Variants in CSMD2 observed in about 807,000 individuals in gnomAD.
The protein encoded by CSMD2 is CUB and Sushi multiple domains 2, also known as CUB and sushi domain-containing protein 2.
Under a neutral mutation model 398.5 loss-of-function variants are expected in CSMD2, and 130 were observed. The observed-to-expected ratio is 0.33, with a 90% CI of 0.28 to 0.38. The LOEUF (loss-of-function observed/expected upper bound fraction) is 0.38. CSMD2 is among the 10% of genes least tolerant of loss of function. The pLI is 1.00. For missense variants in CSMD2, 3,829 were observed against 4,764.9 expected (o/e 0.80, Z 5.78); for synonymous variants, 1,828 against 1,908.5 (o/e 0.96, Z 1.10).
At chr1:33,661,033 GATGAATAGGA>G (rs1644112779) in intron 26 of CSMD2, among the ~76,000 whole-genome samples, 1 of 152,178 alleles carries the variant, frequency 6.6e-6, no homozygotes, top group African/African-American at 2.4e-5. Context: ...AACCTTGAAG[GATGAATAGGA>G]CTTCCATGAG....
At chr1:34,096,898 T>C (rs1659377309) in intron 1 of CSMD2, among the ~76,000 whole-genome samples, 2 of 147,416 alleles carry the variant, frequency 1.4e-5, no homozygotes, top group South Asian at 2.2e-4. Context: ...CTTCACAGAA[T>C]TGGAAAAAAC....
intron 3 of CSMD2, among the ~76,000 whole-genome samples, chr1:33,986,838 G>A (rs1419389715): frequency 1.3e-5 from 2 of 152,162 alleles, no homozygotes; most frequent in Non-Finnish European, 2.9e-5. Context: ...TTCCTCCTCT[G>A]TTCTGGGACC....
chr1:34,027,246 A>G (rs1278997031), intron 3 of CSMD2, among the ~76,000 whole-genome samples: 2 of 152,212 alleles, frequency 1.3e-5, no homozygotes, highest in African/African-American at 4.8e-5. Flanking sequence ...TTATACAATT[A>G]TCAGTACATG....
At chr1:34,153,058 C>T (rs1640475832) in intron 1 of CSMD2, among the ~76,000 whole-genome samples, 1 of 152,174 alleles carries the variant, frequency 6.6e-6, no homozygotes, top group Non-Finnish European at 1.5e-5. Context: ...GCTCTGTCAC[C>T]CCAGGTGGAA....
At chr1:33,672,265 C>T (rs527525840) in intron 25 of CSMD2, among the ~76,000 whole-genome samples, 18 of 152,342 alleles carry the variant, frequency 1.2e-4, no homozygotes, top group Admixed American at 3.3e-4. Context: ...CGGGTCACTC[C>T]CACCCTAATA....
chr1:34,107,766 GCTT>G (rs1660661466), intron 1 of CSMD2, among the ~76,000 whole-genome samples: 1 of 152,172 alleles, frequency 6.6e-6, no homozygotes, highest in Admixed American at 6.5e-5. Flanking sequence ...GAACTCCTAG[GCTT>G]CTGTCCCATT....
In CSMD2 at chr1:33,514,280, CTT is replaced by C. The variant is rs11333218; in HGVS notation, c.*2342_*2343del. ...ACAATAATGAAAAAAAAATTTACAC[CTT>C]TTTTTTTTTCTTTTTTGGTACTGTA... is the stretch of plus-strand genomic sequence containing the variant. On this transcript the variant is annotated 3_prime_UTR_variant, in exon 71 of 71. Coordinates refer to ENST00000373381, the MANE Select transcript of CSMD2 (RefSeq NM_001281956.2). The C allele has an allele frequency of 3.9e-4, 58 of 147,334 alleles. 1 individual carries two copies. The highest frequency in any genetic ancestry group is 4.2e-4 in the African/African-American group (17 of 40,004). The allele number at this position is 147,334 out of a possible 1,614,324, so 9.1% of individuals were successfully genotyped here.
At chr1:34,126,278 T>C (rs1188079546) in intron 1 of CSMD2, among the ~76,000 whole-genome samples, 2 of 152,148 alleles carry the variant, frequency 1.3e-5, no homozygotes, top group East Asian at 1.9e-4. Context: ...ATCCATTCCC[T>C]AGAAAATAAA....
In CSMD2 at chr1:34,072,775, G is replaced by A. The variant is rs574225101; in HGVS notation, c.404+16202C>T. Among the ~76,000 whole-genome samples the A allele has an allele frequency of 7.2e-5, 11 of 152,188 alleles. No individual in the cohort carries two copies. The South Asian group carries it at 2.3e-3, about 32-fold the overall frequency. ...GGACCCCGACACTGCTGCCCACCTGGCTTTGTGTATCACCTGCTGCCAACC... is the reference window on the plus strand; with the variant it reads ...GGACCCCGACACTGCTGCCCACCTGACTTTGTGTATCACCTGCTGCCAACC... On this transcript the variant is annotated intron_variant, in intron 2 of 70. Coordinates refer to ENST00000373381, the MANE Select transcript of CSMD2 (RefSeq NM_001281956.2).
At chr1:33,665,343 T>C (rs1454581413) in intron 25 of CSMD2, among the ~76,000 whole-genome samples, 2 of 152,132 alleles carry the variant, frequency 1.3e-5, no homozygotes, top group African/African-American at 2.4e-5. Context: ...TTAAGGATAC[T>C]GGATGTCATG....
At chr1:34,025,154 C>T (rs1032669882) in intron 3 of CSMD2, among the ~76,000 whole-genome samples, 5 of 152,206 alleles carry the variant, frequency 3.3e-5, no homozygotes, top group Non-Finnish European at 5.9e-5. Flanking sequence ...CTCCATCTGT[C>T]CATCCCTCAC....
At chr1:33,703,174 C>T (rs1301323069) in intron 22 of CSMD2, among the ~76,000 whole-genome samples, 1 of 152,140 alleles carries the variant, frequency 6.6e-6, no homozygotes, top group African/African-American at 2.4e-5. Flanking sequence ...CCCAGATGTA[C>T]TCTTCTAAAC....
chr1:34,025,263 CT>C (rs112779380), intron 3 of CSMD2, among the ~76,000 whole-genome samples: 1 of 151,448 alleles, frequency 6.6e-6, no homozygotes, highest in South Asian at 2.1e-4. Flanking sequence ...AGGGTTTTGT[CT>C]TTTTTTTTCC....
intron 2 of CSMD2, among the ~76,000 whole-genome samples, chr1:34,061,163 G>A (rs1438801842): frequency 2.0e-5 from 3 of 152,138 alleles, no homozygotes; most frequent in Non-Finnish European, 4.4e-5. Context: ...GCAGGCCACG[G>A]TTGCTGCTAA....
rs185051939 is a variant in CSMD2, at chr1:34,145,624, A to T, written c.187+19287T>A. 2.6e-3 allele frequency among the ~76,000 whole-genome samples: 403 copies of T among 152,370 alleles called. 4 individuals are homozygous for T. Among genetic ancestry groups the T allele is most frequent in the African/African-American group, 9.0e-3 (373 of 41,588 alleles). On this transcript the variant is annotated intron_variant, in intron 1 of 70. Transcript: ENST00000373381. ...TTAATGAGTGCAGCCTGGTAGAAAC[A>T]GTGCCTTGAAACACAAGACTCTTGG...
chr1:33,651,495 A>C (rs950758294), intron 28 of CSMD2, among the ~76,000 whole-genome samples: 4 of 152,198 alleles, frequency 2.6e-5, no homozygotes, highest in East Asian at 1.9e-4. Flanking sequence ...GGAGTCTTCC[A>C]CTTATAAGAG....
At chr1:33,918,348 A>G (rs1362254148) in intron 4 of CSMD2, 47 bp from the exon 5 acceptor site, 2 of 1,540,548 alleles carry the variant, frequency 1.3e-6, no homozygotes, top group South Asian at 1.1e-5. Context: ...CTGGTTTTCA[A>G]GCCCTAGCAC....
At chr1:33,683,288 G>A (rs1343377166) in intron 25 of CSMD2, among the ~76,000 whole-genome samples, 2 of 152,170 alleles carry the variant, frequency 1.3e-5, no homozygotes, top group East Asian at 3.9e-4. Context: ...AGATTATTAT[G>A]TCTATATCCA....
At chr1:33,805,118 C>T (rs919785414) in intron 10 of CSMD2, among the ~76,000 whole-genome samples, 2 of 152,240 alleles carry the variant, frequency 1.3e-5, no homozygotes, top group African/African-American at 4.8e-5. Flanking sequence ...CTGACCAAGG[C>T]TAGGCCTTCT....
Sources: gnomAD v4.1 joint callset for allele counts (sites outside exome capture counted in the v4.1 genomes callset) on GRCh38, gnomAD v4.1.1 for gene constraint, MANE v1.5 for transcripts, NCBI Gene and HGNC (gene_info 2026-07-23, HGNC 2026-07-21) for gene names.